Variants in MYO3A observed in about 807,000 individuals in gnomAD.
The protein encoded by MYO3A is myosin IIIA.
In MYO3A, 180 loss-of-function variants were observed where a neutral mutation model predicts 192.7. The observed-to-expected ratio is 0.93, with a 90% CI of 0.83 to 1.06. The LOEUF (loss-of-function observed/expected upper bound fraction) is 1.06. Ranked by LOEUF, MYO3A falls within the 50% of genes least tolerant of loss-of-function variation. MYO3A has a pLI of 0.00. For synonymous variants in MYO3A, 628 were observed against 645.3 expected, an observed-to-expected ratio of 0.97 and a Z score of 0.41; for missense variants, 1,896 against 1,905.0, an observed-to-expected ratio of 1.00 and a Z score of 0.09.
chr10:25,999,298 G>A (rs1273523190), intron 6 of MYO3A, among the ~76,000 whole-genome samples: 1 of 152,178 alleles, frequency 6.6e-6, no homozygotes, highest in Admixed American at 6.5e-5. Flanking sequence ...GCAATAATTA[G>A]AAAAGAGGGC....
At chr10:26,205,971 CAT>C (rs752060978) in intron 34 of MYO3A, among the ~76,000 whole-genome samples, 1 of 151,750 alleles carries the variant, frequency 6.6e-6, no homozygotes, top group Non-Finnish European at 1.5e-5. Context: ...ACATATACCA[CAT>C]GTTCATTATC....
chr10:26,135,049 A>T (rs1011785162), intron 20 of MYO3A, among the ~76,000 whole-genome samples: 1 of 152,208 alleles, frequency 6.6e-6, no homozygotes. Flanking sequence ...TATTAGAAGA[A>T]ACCTAAATAG....
intron 15 of MYO3A, among the ~76,000 whole-genome samples, chr10:26,091,022 C>A (rs1836668493): frequency 6.6e-6 from 1 of 152,154 alleles, no homozygotes; most frequent in South Asian, 2.1e-4. Flanking sequence ...GCCTCTCTCT[C>A]CTTCATTCGC....
chr10:25,984,257 A>G (rs1839509612), intron 4 of MYO3A, among the ~76,000 whole-genome samples: 2 of 152,242 alleles, frequency 1.3e-5, no homozygotes, highest in Non-Finnish European at 2.9e-5. Flanking sequence ...ATAGTACCTC[A>G]CATCTCAATA....
rs752701753 is a variant in MYO3A, at chr10:26,211,897, C to A, written c.4785C>A (p.Asn1595Lys). The A allele has an allele frequency of 6.2e-7, 1 of 1,613,962 alleles. No homozygotes were observed. Among genetic ancestry groups the A allele is most frequent in the African/African-American group, 1.3e-5 (1 of 74,916 alleles). ...EKEEEREPAA[N>K]PYDFRRLLRK... is the part of the protein sequence containing the mutation. ...AGGAGGAGAGAGAGCCAGCAGCCAA[C>A]CCCTACGACTTCAGGAGGCTCCTGC... The change falls in exon 35 of 35, where the codon AAC becomes AAA. Residue 1595 changes from asparagine to lysine, a missense_variant. Asn to Lys is a moderately conservative substitution (Grantham distance 94). Transcript: ENST00000642920.
At chr10:25,967,740 T>C (rs185155979) in intron 4 of MYO3A, among the ~76,000 whole-genome samples, 1 of 151,848 alleles carries the variant, frequency 6.6e-6, no homozygotes, top group Non-Finnish European at 1.5e-5. Flanking sequence ...TTGAAAGAAA[T>C]GGAATATAGA....
chr10:26,113,632 C>G (rs1224693828), intron 17 of MYO3A, among the ~76,000 whole-genome samples: 1 of 152,028 alleles, frequency 6.6e-6, no homozygotes, highest in African/African-American at 2.4e-5. Flanking sequence ...TTCCAGAATG[C>G]CATGATTTGG....
intron 10 of MYO3A, among the ~76,000 whole-genome samples, chr10:26,060,952 G>A (rs1000412560): frequency 8.6e-5 from 13 of 151,162 alleles, no homozygotes; most frequent in Non-Finnish European, 1.5e-4. Context: ...TTTTTGAGAC[G>A]GAGTCTCACT....
chr10:26,164,743 G>A (rs7919609), intron 26 of MYO3A, among the ~76,000 whole-genome samples: 14,679 of 152,118 alleles, frequency 0.096, 784 homozygotes, highest in Non-Finnish European at 0.12. Flanking sequence ...GTCCAGGCAC[G>A]CATGTTTGCA....
intron 6 of MYO3A, among the ~76,000 whole-genome samples, chr10:26,000,284 A>C (rs1840707442): frequency 6.6e-6 from 1 of 152,216 alleles, no homozygotes; most frequent in Non-Finnish European, 1.5e-5. Context: ...TTTCCCAGTC[A>C]GAGCTCTTAC....
intron 4 of MYO3A, among the ~76,000 whole-genome samples, chr10:25,964,745 C>A (rs1050873229): frequency 6.6e-6 from 1 of 152,124 alleles, no homozygotes; most frequent in Non-Finnish European, 1.5e-5. Flanking sequence ...TTCTTTCTGA[C>A]TGAAGAACTC....
chr10:25,953,986 A>G (rs946134769), intron 3 of MYO3A, among the ~76,000 whole-genome samples: 4 of 152,178 alleles, frequency 2.6e-5, no homozygotes, highest in Non-Finnish European at 4.4e-5. Flanking sequence ...TTACTCTTAC[A>G]TATTTTTAAT....
At chr10:26,102,346 C>CTG (rs1255593954) in intron 17 of MYO3A, among the ~76,000 whole-genome samples, 1 of 152,188 alleles carries the variant, frequency 6.6e-6, no homozygotes, top group Non-Finnish European at 1.5e-5. Flanking sequence ...AAACATCCTC[C>CTG]TTTAGCTCGG....
At chr10:26,051,764 C>T (rs548736407) in intron 10 of MYO3A, among the ~76,000 whole-genome samples, 15 of 152,020 alleles carry the variant, frequency 9.9e-5, no homozygotes, top group Non-Finnish European at 1.6e-4. Flanking sequence ...AGGCTTGCCA[C>T]CTATTTTTGT....
chr10:26,168,926 C>T, intron 28 of MYO3A, 52 bp downstream of exon 28: 2 of 1,537,890 alleles, frequency 1.3e-6, no homozygotes, highest in South Asian at 1.1e-5. Context: ...TCTTATAATA[C>T]TTCTTACAGG....
chr10:26,057,670 C>T (rs1042414165), intron 10 of MYO3A, among the ~76,000 whole-genome samples: 3 of 152,032 alleles, frequency 2.0e-5, no homozygotes, highest in Admixed American at 6.6e-5. Context: ...ATCTTTCAGT[C>T]GTGAGTTTTG....
rs1554816581 is a variant in MYO3A at position 26,062,530 on chromosome 10, A to AAAAAAAAAAAAAAAAAAACG, written c.954-4442_954-4441insAAAAAAAAAAAAAAACGAAA. On this transcript the variant is annotated intron_variant, in intron 10 of 34. Transcript: ENST00000642920. ...GATGCCATCTCAAAAAAAAAAAAAA[A>AAAAAAAAAAAAAAAAAAACG]AAATTATGGAGGAATCTAATTAAGA... Among the ~76,000 whole-genome samples the AAAAAAAAAAAAAAAAAAACG allele has an allele frequency of 4.0e-4, 50 of 125,968 alleles. 3 individuals are homozygous for AAAAAAAAAAAAAAAAAAACG. The highest frequency in any genetic ancestry group is 5.7e-4 in the African/African-American group (20 of 34,966). 82.6% of individuals were successfully genotyped at this position (125,968 alleles called of 152,430 possible).
chr10:26,049,589 A>T (rs1293421930), intron 10 of MYO3A, among the ~76,000 whole-genome samples: 1 of 152,132 alleles, frequency 6.6e-6, no homozygotes, highest in Admixed American at 6.5e-5. Flanking sequence ...CCTTTGCTCA[A>T]AGCAGAGACA....
At chr10:25,991,568 T>G (rs1840034463) in intron 4 of MYO3A, among the ~76,000 whole-genome samples, 1 of 152,190 alleles carries the variant, frequency 6.6e-6, no homozygotes, top group Non-Finnish European at 1.5e-5. Flanking sequence ...TTTTGGTGTT[T>G]TAGACATGAA....
Sources: gnomAD v4.1 joint callset for allele counts (sites outside exome capture counted in the v4.1 genomes callset) on GRCh38, gnomAD v4.1.1 for gene constraint, MANE v1.5 for transcripts, NCBI Gene and HGNC (gene_info 2026-07-23, HGNC 2026-07-21) for gene names.